NRG3: variants seen among roughly 807,000 people sequenced by gnomAD.
NRG3 encodes the protein neuregulin 3.
NRG3 carries 31 observed loss-of-function variants against 66.9 expected under a neutral mutation model. That is an observed-to-expected ratio of 0.46 (90% CI 0.35 to 0.63). The LOEUF (loss-of-function observed/expected upper bound fraction) is 0.63, where lower values mean the gene tolerates loss of function less well. Ranked by LOEUF, NRG3 falls within the 20% of genes least tolerant of loss-of-function variation. The probability of loss-of-function intolerance (pLI) is 0.00; values close to 1 mark genes in which losing one functional copy is unlikely to be tolerated. For synonymous variants in NRG3, 393 were observed against 359.4 expected, an observed-to-expected ratio of 1.09 and a Z score of -1.06; for missense variants, 910 against 878.9, an observed-to-expected ratio of 1.04 and a Z score of -0.45.
chr10:81,993,982 A>G (rs560807305), intron 1 of NRG3, among the ~76,000 whole-genome samples: 2 of 152,220 alleles, frequency 1.3e-5, no homozygotes, highest in East Asian at 1.9e-4. Context: ...TCTTTAGACA[A>G]TTTCCTATTG....
chr10:82,824,918 C>T (rs2062128892), intron 3 of NRG3, among the ~76,000 whole-genome samples: 1 of 151,986 alleles, frequency 6.6e-6, no homozygotes, highest in African/African-American at 2.4e-5. Context: ...CACTGTGTTG[C>T]CCAGGCTGGC....
intron 1 of NRG3, among the ~76,000 whole-genome samples, chr10:82,115,378 T>C (rs2067645280): frequency 1.3e-5 from 2 of 152,170 alleles, no homozygotes; most frequent in Admixed American, 6.5e-5. Context: ...TAGTCAACTA[T>C]AGACACCATG....
At chr10:82,211,205 G>C (rs906338199) in intron 1 of NRG3, among the ~76,000 whole-genome samples, 1 of 151,968 alleles carries the variant, frequency 6.6e-6, no homozygotes, top group African/African-American at 2.4e-5. Flanking sequence ...TTCTTTAATG[G>C]TTAGGAGGAC....
chr10:82,599,128 A>G (rs1484896977), intron 2 of NRG3, among the ~76,000 whole-genome samples: 1 of 152,180 alleles, frequency 6.6e-6, no homozygotes, highest in South Asian at 2.1e-4. Flanking sequence ...GAGTATAATC[A>G]AATTAGTCAG....
intron 1 of NRG3, among the ~76,000 whole-genome samples, chr10:82,090,636 G>A (rs2065973312): frequency 1.3e-5 from 2 of 152,138 alleles, no homozygotes; most frequent in South Asian, 4.1e-4. Context: ...GAAGGGACGA[G>A]TGGATTGCCT....
chr10:82,300,327 T>G (rs185587894), intron 1 of NRG3, among the ~76,000 whole-genome samples: 8 of 152,288 alleles, frequency 5.3e-5, no homozygotes, highest in African/African-American at 1.9e-4. Flanking sequence ...CTAAAGTGAT[T>G]AATAGATGAT....
chr10:82,209,615 A>G (rs1011321637), intron 1 of NRG3, among the ~76,000 whole-genome samples: 3 of 152,198 alleles, frequency 2.0e-5, no homozygotes, highest in Non-Finnish European at 4.4e-5. Context: ...TTAGAGCCAT[A>G]TAATGATGGG....
intron 3 of NRG3, among the ~76,000 whole-genome samples, chr10:82,789,884 A>G (rs1034060984): frequency 6.6e-6 from 1 of 151,948 alleles, no homozygotes; most frequent in Non-Finnish European, 1.5e-5. Flanking sequence ...GTGGATTACA[A>G]TGAACATTTT....
chr10:82,103,350 C>T (rs1458084393), intron 1 of NRG3, among the ~76,000 whole-genome samples: 1 of 152,058 alleles, frequency 6.6e-6, no homozygotes, highest in African/African-American at 2.4e-5. Context: ...GAGTTCTGAA[C>T]ATATTGTGAC....
chr10:82,322,577 G>A (rs763526098), intron 1 of NRG3, among the ~76,000 whole-genome samples: 2 of 151,718 alleles, frequency 1.3e-5, no homozygotes, highest in African/African-American at 2.4e-5. Flanking sequence ...CATTTAAAGT[G>A]ATCCTGATAT....
chr10:82,976,305 C>G (rs994212142), intron 7 of NRG3, among the ~76,000 whole-genome samples: 1 of 152,186 alleles, frequency 6.6e-6, no homozygotes, highest in African/African-American at 2.4e-5. Flanking sequence ...ATCCGCCCGC[C>G]TCAGCCTCCG....
intron 1 of NRG3, among the ~76,000 whole-genome samples, chr10:82,076,473 ATAT>A (rs1346244136): frequency 6.6e-6 from 1 of 152,094 alleles, no homozygotes; most frequent in Middle Eastern, 3.2e-3. Context: ...AAACCTGTTG[ATAT>A]AGTTTGGTTG....
intron 2 of NRG3, among the ~76,000 whole-genome samples, chr10:82,409,272 G>T (rs2087862594): frequency 6.6e-6 from 1 of 152,136 alleles, no homozygotes; most frequent in African/African-American, 2.4e-5. Flanking sequence ...CAAACCAATG[G>T]CAGGTTTACA....
chr10:81,979,756 A>G (rs1336552308), intron 1 of NRG3, among the ~76,000 whole-genome samples: 2 of 152,324 alleles, frequency 1.3e-5, no homozygotes, highest in East Asian at 3.9e-4. Context: ...TTACGGATTT[A>G]CAAAATTACT....
At chr10:82,101,949 C>T (rs1489780638) in intron 1 of NRG3, among the ~76,000 whole-genome samples, 1 of 148,792 alleles carries the variant, frequency 6.7e-6, no homozygotes, top group Admixed American at 6.8e-5. Context: ...TTCCATATCT[C>T]CTTCCAGTTC....
intron 1 of NRG3, among the ~76,000 whole-genome samples, chr10:81,952,008 A>G (rs570590906): frequency 2.0e-5 from 3 of 152,248 alleles, no homozygotes; most frequent in South Asian, 2.1e-4. Flanking sequence ...CATTCTCAGC[A>G]AACTATCACA....
intron 3 of NRG3, among the ~76,000 whole-genome samples, chr10:82,815,826 G>A (rs1038141202): frequency 6.6e-6 from 1 of 152,196 alleles, no homozygotes; most frequent in Non-Finnish European, 1.5e-5. Context: ...TGAGCCAGGG[G>A]TGCAGCAGTG....
intron 2 of NRG3, among the ~76,000 whole-genome samples, chr10:82,533,610 A>G (rs898760960): frequency 6.6e-6 from 1 of 152,204 alleles, no homozygotes; most frequent in Non-Finnish European, 1.5e-5. Flanking sequence ...AAGGCCATAT[A>G]TGAAAAGTTT....
At chr10:82,520,023 T>A (rs1040157917) in intron 2 of NRG3, among the ~76,000 whole-genome samples, 1 of 151,996 alleles carries the variant, frequency 6.6e-6, no homozygotes, top group Non-Finnish European at 1.5e-5. Flanking sequence ...GTAGTTTAAA[T>A]GAATATGATG....
Sources: gnomAD v4.1 joint callset for allele counts (sites outside exome capture counted in the v4.1 genomes callset) on GRCh38, gnomAD v4.1.1 for gene constraint, MANE v1.5 for transcripts, NCBI Gene and HGNC (gene_info 2026-07-23, HGNC 2026-07-21) for gene names.